The following ERC1 variants were observed in gnomAD, a reference collection of about 807,000 sequenced individuals.
The protein encoded by ERC1 is ELKS/RAB6-interacting/CAST family member 1.
A neutral mutation model predicts 132.0 loss-of-function variants in ERC1; 56 were observed. The ratio of observed to expected loss-of-function variants is 0.42; its 90% CI spans 0.34 to 0.53. ERC1 has a LOEUF of 0.53. Among genes scored for constraint, ERC1 ranks in the 20% least tolerant of loss-of-function variants. The pLI, the probability that ERC1 is intolerant of heterozygous loss-of-function variation, is 0.03. For missense variants in ERC1, 1,202 were observed against 1,349.9 expected, an observed-to-expected ratio of 0.89 and a Z score of 1.72; for synonymous variants, 478 against 476.1, an observed-to-expected ratio of 1.00 and a Z score of -0.05.
At chr12:1,262,091 A>G (rs1309668687) in intron 13 of ERC1, among the ~76,000 whole-genome samples, 1 of 152,200 alleles carries the variant, frequency 6.6e-6, no homozygotes, top group Non-Finnish European at 1.5e-5. Flanking sequence ...TTTTCCTGAT[A>G]TGAGTACTCT....
chr12:1,141,828 T>C (rs368958454), intron 8 of ERC1, 41 bp downstream of exon 8: 4 of 1,443,772 alleles, frequency 2.8e-6, no homozygotes, highest in Admixed American at 4.4e-5. Flanking sequence ...CCATTCCTCA[T>C]ACATCTTCAC....
At chr12:1,464,763 G>T (rs866435422) in intron 18 of ERC1, among the ~76,000 whole-genome samples, 8 of 151,692 alleles carry the variant, frequency 5.3e-5, no homozygotes, top group South Asian at 4.2e-4. Flanking sequence ...CTCACGATCT[G>T]CCCACCTCAG....
intron 1 of ERC1, among the ~76,000 whole-genome samples, chr12:998,853 CTTTTTTTTTT>C (rs527367596): frequency 9.8e-5 from 10 of 102,466 alleles, no homozygotes; most frequent in Admixed American, 5.4e-4. Flanking sequence ...TTCTCTGTCA[CTTTTTTTTTT>C]TTTTTTTTTT....
intron 13 of ERC1, among the ~76,000 whole-genome samples, chr12:1,260,800 T>A (rs2077095296): frequency 6.6e-6 from 1 of 152,236 alleles, no homozygotes; most frequent in Non-Finnish European, 1.5e-5. Flanking sequence ...CATACTTAGC[T>A]TTACATCGAA....
chr12:1,144,614 G>GTGTATATATATATATATA (rs1555268149), intron 8 of ERC1, among the ~76,000 whole-genome samples: 2 of 132,298 alleles, frequency 1.5e-5, no homozygotes, highest in African/African-American at 6.3e-5. Context: ...GAATTTTGTG[G>GTGTATATATATATATATA]TATATATATA....
intron 16 of ERC1, chr12:1,380,098 T>C (rs550177515): frequency 4.6e-5 from 7 of 152,256 alleles, no homozygotes; most frequent in Non-Finnish European, 1.0e-4. Context: ...GATTCCACCA[T>C]ACTATACAGT....
chr12:1,072,464 A>C (rs1172294712), intron 2 of ERC1, among the ~76,000 whole-genome samples: 1 of 128,056 alleles, frequency 7.8e-6, no homozygotes, highest in Admixed American at 8.0e-5. Flanking sequence ...TTTCTTCATT[A>C]ATTTTCTTGA....
intron 12 of ERC1, among the ~76,000 whole-genome samples, chr12:1,203,398 A>G (rs186531608): frequency 1.3e-5 from 2 of 152,288 alleles, no homozygotes; most frequent in African/African-American, 4.8e-5. Context: ...CTCAGGCACC[A>G]TGTGATTGCC....
chr12:1,475,493 C>T (rs1486044432), intron 18 of ERC1, among the ~76,000 whole-genome samples: 2 of 151,978 alleles, frequency 1.3e-5, no homozygotes, highest in South Asian at 2.1e-4. Flanking sequence ...GATGGCATTA[C>T]AGAGAAAAGG....
intron 2 of ERC1, among the ~76,000 whole-genome samples, chr12:1,038,951 C>T (rs2154157728): frequency 6.6e-6 from 1 of 152,184 alleles, no homozygotes. Flanking sequence ...TGCCTGTAGT[C>T]CCAGCACTTT....
intron 1 of ERC1, among the ~76,000 whole-genome samples, chr12:1,014,658 C>T (rs192336217): frequency 1.8e-4 from 27 of 152,210 alleles, no homozygotes; most frequent in African/African-American, 5.5e-4. Context: ...GAGATTGCCT[C>T]GTAAGCATTC....
intron 15 of ERC1, among the ~76,000 whole-genome samples, chr12:1,299,567 T>C (rs2080232041): frequency 6.6e-6 from 1 of 152,174 alleles, no homozygotes; most frequent in Non-Finnish European, 1.5e-5. Flanking sequence ...TTCATTGATC[T>C]TAGTTTCTAC....
chr12:1,341,076 T>C (rs1341441100), intron 15 of ERC1, among the ~76,000 whole-genome samples: 9 of 12,462 alleles, frequency 7.2e-4, no homozygotes, highest in African/African-American at 2.7e-3. Context: ...TTTCTTTTTT[T>C]TTTTTTTTTT....
intron 8 of ERC1, 29 bp from the exon 9 acceptor site, chr12:1,180,511 T>C (rs1383678292): frequency 1.9e-6 from 3 of 1,607,538 alleles, no homozygotes; most frequent in Middle Eastern, 1.7e-4. Flanking sequence ...ATGTCCTCTC[T>C]TTTCCCTTAA....
chr12:1,063,243 C>CATGTATGT lies in ERC1; in HGVS notation c.670-19910_670-19903dup, dbSNP rs112718723. 9.9e-4 allele frequency among the ~76,000 whole-genome samples: 148 copies of CATGTATGT among 149,670 alleles called. 1 individual carries two copies. Among genetic ancestry groups the CATGTATGT allele is most frequent in the Middle Eastern group, 3.5e-3 (1 of 286 alleles). ...GCCACCACGCCTGGCTGATTTTTTG[C>CATGTATGT]ATGTATGTATGTATGTATTTATTTA... On this transcript the variant is annotated intron_variant, in intron 2 of 18. Coordinates refer to ENST00000360905, the MANE Select transcript of ERC1 (RefSeq NM_178040.4).
At chr12:1,399,078 T>C (rs2090797724) in intron 16 of ERC1, among the ~76,000 whole-genome samples, 1 of 151,632 alleles carries the variant, frequency 6.6e-6, no homozygotes, top group African/African-American at 2.4e-5. Context: ...CCAAAGTACC[T>C]GGGACTACAC....
At chr12:1,344,994 T>G (rs2084299219) in intron 15 of ERC1, among the ~76,000 whole-genome samples, 1 of 151,998 alleles carries the variant, frequency 6.6e-6, no homozygotes, top group African/African-American at 2.4e-5. Flanking sequence ...GTAGAAAGAA[T>G]AAAGAAAAAA....
chr12:1,416,548 G>C (rs1412871871), intron 17 of ERC1, among the ~76,000 whole-genome samples: 6 of 152,210 alleles, frequency 3.9e-5, no homozygotes, highest in Non-Finnish European at 8.8e-5. Context: ...CTACAGATGT[G>C]AGGAGCTCAC....
intron 14 of ERC1, among the ~76,000 whole-genome samples, chr12:1,272,477 A>G (rs1004250836): frequency 8.5e-5 from 13 of 152,218 alleles, no homozygotes; most frequent in Admixed American, 7.2e-4. Context: ...ATCTGGTCTC[A>G]TATTCTAGAA....
Sources: allele counts gnomAD v4.1 joint callset (sites outside exome capture counted in the v4.1 genomes callset), GRCh38; gene constraint gnomAD v4.1.1; transcripts MANE v1.5; gene names NCBI Gene and HGNC (gene_info 2026-07-23, HGNC 2026-07-21).